The following PSME3IP1 variants were observed in gnomAD, a reference collection of about 807,000 sequenced individuals.
PSME3IP1 encodes the protein proteasome activator subunit 3 interacting protein 1, also known as PSME3-interacting protein.
A neutral mutation model predicts 34.1 loss-of-function variants in PSME3IP1; 13 were observed. The observed-to-expected ratio is 0.38, with a 90% CI of 0.25 to 0.61. The LOEUF is 0.61. Ranked by LOEUF, PSME3IP1 falls within the 20% of genes least tolerant of loss-of-function variation. The pLI is 0.60. For missense variants in PSME3IP1, 237 were observed against 301.4 expected, an observed-to-expected ratio of 0.79 and a Z score of 1.58; for synonymous variants, 93 against 114.3, an observed-to-expected ratio of 0.81 and a Z score of 1.19.
intron 5 of PSME3IP1, among the ~76,000 whole-genome samples, chr16:57,165,586 T>A (rs1272018832): frequency 1.3e-5 from 2 of 152,164 alleles, no homozygotes; most frequent in East Asian, 1.9e-4. Context: ...GAATCACTCA[T>A]GGAACTTTGA....
chr16:57,158,231 T>C (rs892817464), intron 6 of PSME3IP1, among the ~76,000 whole-genome samples: 3 of 152,212 alleles, frequency 2.0e-5, no homozygotes, highest in African/African-American at 7.2e-5. Flanking sequence ...TACATTGTAG[T>C]ACTTATGTAT....
At chr16:57,158,798 T>C (rs1275252521) in intron 6 of PSME3IP1, among the ~76,000 whole-genome samples, 1 of 152,198 alleles carries the variant, frequency 6.6e-6, no homozygotes, top group Non-Finnish European at 1.5e-5. Context: ...ACAACCTAGA[T>C]GGTATAGCCT....
chr16:57,163,141 GGT>G (rs770197135), intron 6 of PSME3IP1, among the ~76,000 whole-genome samples: 1 of 152,070 alleles, frequency 6.6e-6, no homozygotes, highest in Non-Finnish European at 1.5e-5. Context: ...CTCCAGCCTG[GGT>G]GACAGAGTGA....
At chr16:57,168,844 A>G (rs1435427555) in intron 4 of PSME3IP1, among the ~76,000 whole-genome samples, 2 of 145,712 alleles carry the variant, frequency 1.4e-5, no homozygotes, top group Admixed American at 6.9e-5. Context: ...TCATCTTTCT[A>G]GGAGAGAATG....
intron 4 of PSME3IP1, 87 bp downstream of exon 4, chr16:57,172,164 C>G: frequency 1.4e-6 from 2 of 1,440,484 alleles, no homozygotes; most frequent in South Asian, 2.4e-5. Flanking sequence ...GTAGAAAACC[C>G]TCTTTCTGTT....
chr16:57,166,272 T>C (rs1193797491), intron 5 of PSME3IP1, among the ~76,000 whole-genome samples: 1 of 152,228 alleles, frequency 6.6e-6, no homozygotes, highest in Non-Finnish European at 1.5e-5. Context: ...TTGGGTCAAA[T>C]CTAAATGACC....
chr16:57,168,170 C>G (rs1369926622), intron 4 of PSME3IP1, among the ~76,000 whole-genome samples: 1 of 152,158 alleles, frequency 6.6e-6, no homozygotes, highest in African/African-American at 2.4e-5. Context: ...GCACTAGTGC[C>G]TGGAACAATA....
intron 1 of PSME3IP1, among the ~76,000 whole-genome samples, chr16:57,177,408 A>G (rs1022027486): frequency 6.0e-5 from 9 of 150,548 alleles, no homozygotes; most frequent in African/African-American, 2.0e-4. Context: ...GCTGGTCTCA[A>G]ACTCCTGGAC....
chr16:57,154,566 C>T lies in PSME3IP1; in HGVS notation c.548-59G>A. 1 of 1,432,606 alleles carries T rather than the reference C, an allele frequency of 7.0e-7. No individual in the cohort carries two copies. Among genetic ancestry groups the T allele is most frequent in the South Asian group, 1.4e-5 (1 of 73,738 alleles). 88.7% of individuals were successfully genotyped at this position (1,432,606 alleles called of 1,614,324 possible). Reference sequence around the variant, plus strand: ...ACCCTTTTCCAAAGTTGGGGACTGACTTACCATGTGCCAGGCACTGTACCA... The same window carrying T: ...ACCCTTTTCCAAAGTTGGGGACTGATTTACCATGTGCCAGGCACTGTACCA... On this transcript the variant is annotated intron_variant, in intron 6 of 6. Transcript: ENST00000309137. This position sits in a 1 kb window ranked among gnomAD's most constrained non-coding sequence, Gnocchi z 4.0.
chr16:57,157,671 C>T (rs1341544126), intron 6 of PSME3IP1, among the ~76,000 whole-genome samples: 1 of 151,206 alleles, frequency 6.6e-6, no homozygotes, highest in Non-Finnish European at 1.5e-5. Context: ...AGGTTAAACT[C>T]CTGGGCTCAA....
At chr16:57,176,241 C>T (rs1020450389) in intron 1 of PSME3IP1, among the ~76,000 whole-genome samples, 6 of 152,170 alleles carry the variant, frequency 3.9e-5, no homozygotes, top group Admixed American at 1.3e-4. Context: ...AGAGACATTC[C>T]GAACCCTCAA....
At chr16:57,161,405 C>A (rs1229044424) in intron 6 of PSME3IP1, among the ~76,000 whole-genome samples, 1 of 151,936 alleles carries the variant, frequency 6.6e-6, no homozygotes, top group Non-Finnish European at 1.5e-5. Flanking sequence ...TGAGTCGTAT[C>A]CTTTTAAAGG....
chr16:57,186,065 G>A (rs1280392949), upstream of PSME3IP1: 3 of 985,296 alleles, frequency 3.0e-6, no homozygotes, highest in Non-Finnish European at 3.6e-6. Context: ...TTCCGGCGAC[G>A]TAACCCAATC....
chr16:57,178,668 T>A, intron 1 of PSME3IP1: 1 of 985,310 alleles, frequency 1.0e-6, no homozygotes, highest in Non-Finnish European at 1.2e-6. Context: ...CCATACAATT[T>A]GTGCAGTAAG....
intron 3 of PSME3IP1, 26 bp from the exon 4 acceptor site, chr16:57,172,398 A>C (rs1264075553): frequency 1.2e-6 from 2 of 1,611,246 alleles, no homozygotes; most frequent in African/African-American, 1.3e-5. Context: ...AACAAGGCAC[A>C]CTTAGCAGGC....
intron 6 of PSME3IP1, among the ~76,000 whole-genome samples, chr16:57,163,244 T>C (rs777358939): frequency 6.6e-6 from 1 of 152,018 alleles, no homozygotes; most frequent in Non-Finnish European, 1.5e-5. Flanking sequence ...AAAGGCAGGC[T>C]CCTTTTTTTT....
intron 1 of PSME3IP1, chr16:57,185,488 T>C (rs578048734): frequency 3.1e-6 from 3 of 982,700 alleles, no homozygotes; most frequent in African/African-American, 3.5e-5. Flanking sequence ...AACCTGGACC[T>C]GTTCCAAGAC....
chr16:57,155,378 T>C (rs2070395220), intron 6 of PSME3IP1, among the ~76,000 whole-genome samples: 1 of 152,174 alleles, frequency 6.6e-6, no homozygotes, highest in African/African-American at 2.4e-5. Flanking sequence ...ATCCTGGCAC[T>C]TTGGGAGGCT....
At chr16:57,184,030 T>C (rs1415350625) in intron 1 of PSME3IP1, among the ~76,000 whole-genome samples, 3 of 152,072 alleles carry the variant, frequency 2.0e-5, no homozygotes, top group Non-Finnish European at 4.4e-5. Flanking sequence ...AGAAATAAAA[T>C]TAAGCCTCAA....
Sources: gnomAD v4.1 joint callset for allele counts (sites outside exome capture counted in the v4.1 genomes callset) on GRCh38, gnomAD v4.1.1 for gene constraint, Gnocchi (gnomAD v3.1) non-coding constraint, MANE v1.5 for transcripts, NCBI Gene and HGNC (gene_info 2026-07-23, HGNC 2026-07-21) for gene names.